The following DNM3 variants were observed in gnomAD, a reference collection of about 807,000 sequenced individuals.
The protein encoded by DNM3 is dynamin 3, also known as dynamin-3.
DNM3 carries 47 observed loss-of-function variants against 101.6 expected under a neutral mutation model. The observed-to-expected ratio is 0.46, with a 90% CI of 0.37 to 0.59. DNM3 has a LOEUF of 0.59. Among genes scored for constraint, DNM3 ranks in the 20% least tolerant of loss-of-function variants. The pLI, the probability that DNM3 is intolerant of heterozygous loss-of-function variation, is 0.00. For missense variants in DNM3, 849 were observed against 1,085.7 expected (o/e 0.78, Z 3.06); for synonymous variants, 385 against 387.9 (o/e 0.99, Z 0.09).
At chr1:172,375,670 G>A (rs1449876585) in intron 17 of DNM3, among the ~76,000 whole-genome samples, 1 of 151,986 alleles carries the variant, frequency 6.6e-6, no homozygotes, top group Non-Finnish European at 1.5e-5. Flanking sequence ...CCCAAGGTAT[G>A]GTGAGAATTA....
chr1:172,040,068 T>G (rs2049259913), intron 7 of DNM3, among the ~76,000 whole-genome samples: 1 of 152,090 alleles, frequency 6.6e-6, no homozygotes, highest in Non-Finnish European at 1.5e-5. Context: ...GACCTTGTCA[T>G]GTGGAAGGAG....
At chr1:172,184,167 A>C (rs1572865439) in intron 14 of DNM3, among the ~76,000 whole-genome samples, 3 of 152,116 alleles carry the variant, frequency 2.0e-5, no homozygotes, top group South Asian at 4.1e-4. Context: ...AAATCTTCTC[A>C]TTAAATGATG....
chr1:172,371,890 T>TTTA (rs2068348716), intron 17 of DNM3, among the ~76,000 whole-genome samples: 2 of 147,734 alleles, frequency 1.4e-5, no homozygotes, highest in African/African-American at 2.5e-5. Context: ...TTTTTTACTT[T>TTTA]TTTATTTATT....
chr1:171,852,718 C>T (rs112297034), intron 1 of DNM3, among the ~76,000 whole-genome samples: 2,638 of 152,212 alleles, frequency 0.017, 80 homozygotes, highest in African/African-American at 0.058. Flanking sequence ...TTAAACTTAA[C>T]GTAGAGGAGA....
chr1:172,237,284 A>C (rs1181035299), intron 14 of DNM3, among the ~76,000 whole-genome samples: 1 of 151,920 alleles, frequency 6.6e-6, no homozygotes, highest in Non-Finnish European at 1.5e-5. Flanking sequence ...TTAAGGATTG[A>C]GGTTAGTATT....
intron 14 of DNM3, among the ~76,000 whole-genome samples, chr1:172,177,026 G>T (rs2059175628): frequency 6.6e-6 from 1 of 151,866 alleles, no homozygotes; most frequent in Admixed American, 6.6e-5. Context: ...AACTCAGTAG[G>T]ACTTGGTGAC....
chr1:172,410,730 A>G lies in DNM3; in HGVS notation c.*2889A>G. 1 of 985,364 alleles carries G rather than the reference A, an allele frequency of 1.0e-6. No individual in the cohort carries two copies. The highest frequency in any genetic ancestry group is 1.7e-5 in the African/African-American group (1 of 57,372). The allele number at this position is 985,364 out of a possible 1,614,324, so 61.0% of individuals were successfully genotyped here. ...CAAATTTCCTATTTGTTCCAATACA[A>G]ACTCACTTTATTCTAAAGTATATTA... On this transcript the variant is annotated 3_prime_UTR_variant, in exon 21 of 21. Transcript: ENST00000627582.
chr1:172,236,606 A>G (rs2061554924), intron 14 of DNM3, among the ~76,000 whole-genome samples: 1 of 151,904 alleles, frequency 6.6e-6, no homozygotes, highest in African/African-American at 2.4e-5. Context: ...AAGGAGGAGG[A>G]AAAGGAAAGG....
chr1:172,405,047 A>T (rs1391485817), intron 20 of DNM3, among the ~76,000 whole-genome samples: 1 of 152,028 alleles, frequency 6.6e-6, no homozygotes, highest in Non-Finnish European at 1.5e-5. Flanking sequence ...TTTCTATGTA[A>T]ACATAGTATC....
Position 172,012,009 on chromosome 1 carries a change from T to A in DNM3, c.590-20393T>A, listed in dbSNP as rs114294530. 7.6e-3 allele frequency among the ~76,000 whole-genome samples: 1,155 copies of A among 152,184 alleles called. 13 individuals are homozygous for A. The highest frequency in any genetic ancestry group is 0.026 in the African/African-American group (1,079 of 41,558). On this transcript the variant is annotated intron_variant, in intron 4 of 20. Transcript: ENST00000627582. ...AACTACTGCATAACATGAATCTTCA[T>A]CTTTCTAATTTGCAACATTTGTTTC...
chr1:172,161,071 G>T (rs1390787525), intron 14 of DNM3, among the ~76,000 whole-genome samples: 1 of 151,794 alleles, frequency 6.6e-6, no homozygotes, highest in Non-Finnish European at 1.5e-5. Context: ...ACTTTGGTCC[G>T]ATGGCTGGAT....
At chr1:172,311,503 G>A (rs2065079590) in intron 16 of DNM3, among the ~76,000 whole-genome samples, 1 of 152,204 alleles carries the variant, frequency 6.6e-6, no homozygotes, top group East Asian at 1.9e-4. Flanking sequence ...AGCTACAAGG[G>A]ATGCCAGGAG....
At chr1:172,361,706 C>T (rs1165216563) in intron 17 of DNM3, among the ~76,000 whole-genome samples, 1 of 151,894 alleles carries the variant, frequency 6.6e-6, no homozygotes, top group Non-Finnish European at 1.5e-5. Context: ...CTCTCCTTAC[C>T]CTGAGCTCCC....
chr1:171,872,195 G>T (rs1311650451), intron 1 of DNM3, among the ~76,000 whole-genome samples: 1 of 152,154 alleles, frequency 6.6e-6, no homozygotes, highest in Admixed American at 6.5e-5. Context: ...GGATTTAAGA[G>T]TGTACTTCTT....
intron 14 of DNM3, among the ~76,000 whole-genome samples, chr1:172,159,064 T>C (rs2058450933): frequency 6.6e-6 from 1 of 152,080 alleles, no homozygotes; most frequent in African/African-American, 2.4e-5. Context: ...AGAGAGGCAG[T>C]GAGTCAAGTC....
At position 172,186,895 on chromosome 1, in the gene DNM3, G is replaced by A. The variant is rs548049417; in HGVS notation, c.1659+55607G>A. On this transcript the variant is annotated intron_variant, in intron 14 of 20. Transcript: ENST00000627582. ...CTTGAAGATTGTTCATGGATCATGG[G>A]TTGTGAACCCTAGCTATGGAGGGTT... is the stretch of plus-strand genomic sequence containing the variant. Among the ~76,000 whole-genome samples, 44 of 152,202 alleles carry A rather than the reference G, an allele frequency of 2.9e-4. No individual in the cohort carries two copies. The South Asian group carries it at 7.0e-3, about 24-fold the overall frequency.
chr1:171,893,072 C>T (rs1031004002), intron 1 of DNM3, among the ~76,000 whole-genome samples: 8 of 152,144 alleles, frequency 5.3e-5, no homozygotes, highest in African/African-American at 1.9e-4. Context: ...GTCTTGCAGA[C>T]TCCACTCATT....
At chr1:171,842,097 G>T (rs911342519) in intron 1 of DNM3, among the ~76,000 whole-genome samples, 1 of 152,110 alleles carries the variant, frequency 6.6e-6, no homozygotes, top group East Asian at 1.9e-4. Context: ...TCCTCCAGTC[G>T]GGGAGTCGGG....
chr1:172,344,074 A>G (rs2066818567), intron 17 of DNM3, among the ~76,000 whole-genome samples: 1 of 152,142 alleles, frequency 6.6e-6, no homozygotes, highest in Non-Finnish European at 1.5e-5. Context: ...CTACAGCCAA[A>G]TTGAGCAGCT....
Sources: gnomAD v4.1 joint callset for allele counts (sites outside exome capture counted in the v4.1 genomes callset) on GRCh38, gnomAD v4.1.1 for gene constraint, MANE v1.5 for transcripts, NCBI Gene and HGNC (gene_info 2026-07-23, HGNC 2026-07-21) for gene names.